ZBTB16: variants seen among roughly 807,000 people sequenced by gnomAD.
ZBTB16 encodes the protein zinc finger and BTB domain-containing protein 16.
In ZBTB16, 8 loss-of-function variants were observed where a neutral mutation model predicts 56.8. The ratio of observed to expected loss-of-function variants is 0.14; its 90% CI spans 0.08 to 0.25. The LOEUF is 0.25. Ranked by LOEUF, ZBTB16 falls within the 10% of genes least tolerant of loss-of-function variation. The pLI, the probability that ZBTB16 is intolerant of heterozygous loss-of-function variation, is 1.00. For missense variants in ZBTB16, 625 were observed against 903.0 expected, an observed-to-expected ratio of 0.69 and a Z score of 3.95; for synonymous variants, 363 against 368.5, an observed-to-expected ratio of 0.98 and a Z score of 0.17.
intron 3 of ZBTB16, among the ~76,000 whole-genome samples, chr11:114,181,681 A>G (rs1482739032): frequency 6.6e-6 from 1 of 152,066 alleles, no homozygotes; most frequent in Non-Finnish European, 1.5e-5. Context: ...GTGAGTGGCC[A>G]AGTTAGGCGT....
intron 2 of ZBTB16, among the ~76,000 whole-genome samples, chr11:114,102,472 G>A (rs1940646360): frequency 6.6e-6 from 1 of 152,114 alleles, no homozygotes; most frequent in Non-Finnish European, 1.5e-5. Flanking sequence ...CTTCATCACA[G>A]CAGTGGTAAC....
At chr11:114,149,474 C>A (rs558166801) in intron 2 of ZBTB16, among the ~76,000 whole-genome samples, 1 of 152,300 alleles carries the variant, frequency 6.6e-6, no homozygotes, top group South Asian at 2.1e-4. Flanking sequence ...CCAAAACCTG[C>A]AGCATGGAAG....
chr11:114,128,045 G>C (rs1175129483), intron 2 of ZBTB16, among the ~76,000 whole-genome samples: 1 of 152,196 alleles, frequency 6.6e-6, no homozygotes, highest in Non-Finnish European at 1.5e-5. Flanking sequence ...AGTGGGAAGG[G>C]TATAGGGCTG....
At chr11:114,216,771 G>C (rs1944109335) in intron 4 of ZBTB16, among the ~76,000 whole-genome samples, 1 of 152,136 alleles carries the variant, frequency 6.6e-6, no homozygotes, top group Non-Finnish European at 1.5e-5. Flanking sequence ...AACCAAGACG[G>C]CTTGCCACTC....
intron 2 of ZBTB16, among the ~76,000 whole-genome samples, chr11:114,141,206 C>T (rs762493564): frequency 5.3e-5 from 8 of 152,172 alleles, no homozygotes; most frequent in South Asian, 2.1e-4. Context: ...CGGTGCTCCC[C>T]GTCTCATCCA....
At chr11:114,155,202 C>T (rs1315494037) in intron 2 of ZBTB16, among the ~76,000 whole-genome samples, 1 of 152,258 alleles carries the variant, frequency 6.6e-6, no homozygotes, top group Non-Finnish European at 1.5e-5. Flanking sequence ...CGGCTTCTGG[C>T]TGCCACGCCT....
chr11:114,239,588 C>T (rs1565703944), intron 4 of ZBTB16, among the ~76,000 whole-genome samples: 1 of 152,192 alleles, frequency 6.6e-6, no homozygotes, highest in Non-Finnish European at 1.5e-5. Context: ...ATACATCTCT[C>T]ATTATGTCTC....
intron 2 of ZBTB16, among the ~76,000 whole-genome samples, chr11:114,080,828 A>G (rs1939731829): frequency 6.6e-6 from 1 of 152,220 alleles, no homozygotes; most frequent in South Asian, 2.1e-4. Context: ...AGGTTGAGGA[A>G]TAGCACAGAG....
intron 2 of ZBTB16, among the ~76,000 whole-genome samples, chr11:114,089,435 T>C (rs61904449): frequency 0.063 from 9,544 of 152,276 alleles, 426 homozygotes; most frequent in Middle Eastern, 0.12. Context: ...GGAAGATCAT[T>C]GAGGATAGGG....
intron 2 of ZBTB16, among the ~76,000 whole-genome samples, chr11:114,115,873 G>A (rs190929437): frequency 4.9e-4 from 74 of 152,230 alleles, no homozygotes; most frequent in African/African-American, 1.3e-3. Flanking sequence ...GGCTCCCAGC[G>A]AGCATGCGTT....
At position 114,063,251 on chromosome 11, in the gene ZBTB16, G is replaced by C; in HGVS notation, c.-50G>C. ...CAGGAAGCCCACCCAGCCCCGCCACGCAGAGCCCAGAAGGAAAGAAAGCCT... is the reference window on the plus strand; with the variant it reads ...CAGGAAGCCCACCCAGCCCCGCCACCCAGAGCCCAGAAGGAAAGAAAGCCT... On this transcript the variant is annotated 5_prime_UTR_variant, in exon 2 of 7. Transcript: ENST00000335953. The surrounding 1 kb of genome is among the most constrained non-coding windows in gnomAD (Gnocchi z 6.5). 2.5e-6 allele frequency: 4 copies of C among 1,604,080 alleles called. No homozygotes were observed. Among genetic ancestry groups the C allele is most frequent in the Non-Finnish European group, 2.5e-6 (3 of 1,176,702 alleles).
At chr11:114,092,576 A>G (rs949373627) in intron 2 of ZBTB16, among the ~76,000 whole-genome samples, 1 of 152,222 alleles carries the variant, frequency 6.6e-6, no homozygotes, top group African/African-American at 2.4e-5. Flanking sequence ...TTTCAGGGAC[A>G]GCAATAGACT....
At position 114,143,557 on chromosome 11, in the gene ZBTB16, G is replaced by A. The variant is rs191967045; in HGVS notation, c.1269-12780G>A. Among the ~76,000 whole-genome samples the A allele has an allele frequency of 1.4e-4, 22 of 152,272 alleles. No individual in the cohort carries two copies. Among genetic ancestry groups the A allele is most frequent in the Non-Finnish European group, 2.8e-4 (19 of 68,026 alleles). ...TCCTGCAGGGAGATTACACAAAAAT[G>A]TAGAAAAAATACGCTAGTGACAGGT... On this transcript the variant is annotated intron_variant, in intron 2 of 6. Transcript: ENST00000335953. The surrounding 1 kb of genome is among the most constrained non-coding windows in gnomAD (Gnocchi z 6.4).
intron 4 of ZBTB16, among the ~76,000 whole-genome samples, chr11:114,204,791 T>C (rs954674673): frequency 3.3e-5 from 5 of 152,158 alleles, no homozygotes; most frequent in African/African-American, 1.2e-4. Flanking sequence ...CCAGGCAAGC[T>C]TGAGATGCTG....
chr11:114,184,692 C>T (rs2135054456), intron 3 of ZBTB16, among the ~76,000 whole-genome samples: 1 of 152,292 alleles, frequency 6.6e-6, no homozygotes, highest in East Asian at 1.9e-4. Flanking sequence ...CTAGCATGTA[C>T]TATAAATGGT....
In ZBTB16 at chr11:114,256,645, C is replaced by G. The variant is rs532193575; in HGVS notation, c.*6090C>G. On this transcript the variant is annotated 3_prime_UTR_variant, in exon 7 of 7. Transcript: ENST00000335953. ...CAAAGGTCCCTGCCTGCGTCTGTAG[C>G]AGCCAAGAGCTGTTAAGAAAGGAGA... Among the ~76,000 whole-genome samples the G allele has an allele frequency of 3.9e-5, 6 of 152,232 alleles. No homozygotes were observed. The highest frequency in any genetic ancestry group is 1.4e-4 in the African/African-American group (6 of 41,544).
At chr11:114,116,188 G>C (rs1941170260) in intron 2 of ZBTB16, among the ~76,000 whole-genome samples, 1 of 152,164 alleles carries the variant, frequency 6.6e-6, no homozygotes, top group East Asian at 1.9e-4. Context: ...CGAAGTGAGG[G>C]GTGATGGGGA....
chr11:114,068,858 A>G (rs1350460290), intron 2 of ZBTB16, among the ~76,000 whole-genome samples: 1 of 152,228 alleles, frequency 6.6e-6, no homozygotes, highest in East Asian at 1.9e-4. Context: ...AGTTACGTAC[A>G]TATGCGATAA....
At chr11:114,189,289 C>G (rs1484237165) in intron 4 of ZBTB16, 1 of 152,088 alleles carries the variant, frequency 6.6e-6, no homozygotes, top group African/African-American at 2.4e-5. Flanking sequence ...AGACATGTCT[C>G]CAAAGATAGA....
Sources: gnomAD v4.1 joint callset for allele counts (sites outside exome capture counted in the v4.1 genomes callset) on GRCh38, gnomAD v4.1.1 for gene constraint, Gnocchi (gnomAD v3.1) non-coding constraint, MANE v1.5 for transcripts, NCBI Gene and HGNC (gene_info 2026-07-23, HGNC 2026-07-21) for gene names.